Variants in CHCHD6 observed in about 807,000 individuals in gnomAD.
CHCHD6 encodes MICOS complex subunit MIC25.
A neutral mutation model predicts 32.3 loss-of-function variants in CHCHD6; 28 were observed. That is an observed-to-expected ratio of 0.87 (90% CI 0.64 to 1.19). The LOEUF (loss-of-function observed/expected upper bound fraction) is 1.19. CHCHD6 is among the 50% of genes most tolerant of loss of function. CHCHD6 has a pLI of 0.00. For missense variants in CHCHD6, 333 were observed against 307.0 expected (o/e 1.08, Z -0.63); for synonymous variants, 122 against 117.5 (o/e 1.04, Z -0.25).
intron 4 of CHCHD6, among the ~76,000 whole-genome samples, chr3:126,811,009 A>C (rs1180597538): frequency 6.6e-6 from 1 of 152,240 alleles, no homozygotes; most frequent in Non-Finnish European, 1.5e-5. Flanking sequence ...GGTTGGGAGC[A>C]GATGGGATGT....
At chr3:126,773,259 A>G (rs1278685559) in intron 4 of CHCHD6, among the ~76,000 whole-genome samples, 1 of 152,174 alleles carries the variant, frequency 6.6e-6, no homozygotes, top group Non-Finnish European at 1.5e-5. Context: ...TTTTCAAGTA[A>G]TACCTGCCCT....
At chr3:126,877,594 A>G (rs2077556016) in intron 5 of CHCHD6, among the ~76,000 whole-genome samples, 1 of 152,184 alleles carries the variant, frequency 6.6e-6, no homozygotes, top group South Asian at 2.1e-4. Context: ...TGATGGAAAA[A>G]TGAATACAAA....
At chr3:126,733,497 A>G (rs566429206) in intron 4 of CHCHD6, among the ~76,000 whole-genome samples, 2 of 152,336 alleles carry the variant, frequency 1.3e-5, no homozygotes, top group South Asian at 4.1e-4. Context: ...AGACCACTCA[A>G]CAGTCTCACT....
intron 1 of CHCHD6, among the ~76,000 whole-genome samples, chr3:126,710,990 C>A (rs752232905): frequency 6.6e-6 from 1 of 152,178 alleles, no homozygotes; most frequent in Non-Finnish European, 1.5e-5. Flanking sequence ...ACGTCCTTGT[C>A]TTGTTCCTGA....
chr3:126,765,999 G>C (rs1471053663), intron 4 of CHCHD6, among the ~76,000 whole-genome samples: 1 of 152,204 alleles, frequency 6.6e-6, no homozygotes, highest in Non-Finnish European at 1.5e-5. Flanking sequence ...TTGCCTGGCT[G>C]CTGCTGGTTC....
intron 4 of CHCHD6, among the ~76,000 whole-genome samples, chr3:126,840,099 C>T (rs1446665812): frequency 2.0e-5 from 3 of 152,174 alleles, no homozygotes; most frequent in Non-Finnish European, 2.9e-5. Flanking sequence ...CTTAGCGTAA[C>T]GTTTTCAAGG....
At chr3:126,768,512 A>G (rs945025130) in intron 4 of CHCHD6, among the ~76,000 whole-genome samples, 1 of 152,208 alleles carries the variant, frequency 6.6e-6, no homozygotes, top group Admixed American at 6.5e-5. Flanking sequence ...ATAGCTGTGC[A>G]AGAACGGACT....
intron 5 of CHCHD6, among the ~76,000 whole-genome samples, chr3:126,878,965 T>A (rs1332495698): frequency 6.6e-6 from 1 of 152,182 alleles, no homozygotes; most frequent in Non-Finnish European, 1.5e-5. Context: ...TGAGCTGGAA[T>A]CACCTGCACC....
At chr3:126,721,998 A>G (rs1935321689) in intron 1 of CHCHD6, among the ~76,000 whole-genome samples, 1 of 152,198 alleles carries the variant, frequency 6.6e-6, no homozygotes, top group African/African-American at 2.4e-5. Context: ...TCATTGGTTG[A>G]TGAACATTTG....
chr3:126,710,682 T>G (rs892814569), intron 1 of CHCHD6, among the ~76,000 whole-genome samples: 2 of 152,206 alleles, frequency 1.3e-5, no homozygotes, highest in Admixed American at 6.5e-5. Context: ...TTTATTATTT[T>G]TGATGCTATT....
intron 4 of CHCHD6, among the ~76,000 whole-genome samples, chr3:126,758,925 A>T (rs1340615701): frequency 2.6e-5 from 4 of 152,352 alleles, no homozygotes; most frequent in African/African-American, 9.6e-5. Flanking sequence ...GTAAATGGTC[A>T]GTACCCTTCC....
intron 4 of CHCHD6, among the ~76,000 whole-genome samples, chr3:126,811,534 C>T (rs1477730134): frequency 6.6e-6 from 1 of 151,636 alleles, no homozygotes; most frequent in South Asian, 2.1e-4. Context: ...CTAATTCTTT[C>T]CTTTGAGTGT....
chr3:126,845,990 G>T (rs1941282885), intron 4 of CHCHD6, among the ~76,000 whole-genome samples: 1 of 152,144 alleles, frequency 6.6e-6, no homozygotes, highest in Admixed American at 6.5e-5. Flanking sequence ...AGTAAGAAAA[G>T]TGAGCTTTGT....
intron 4 of CHCHD6, among the ~76,000 whole-genome samples, chr3:126,739,938 T>G (rs1270035517): frequency 6.6e-6 from 1 of 152,216 alleles, no homozygotes; most frequent in Non-Finnish European, 1.5e-5. Flanking sequence ...CTGGTCATCA[T>G]ATGCAGGAGA....
intron 4 of CHCHD6, 44 bp from the exon 5 acceptor site, chr3:126,852,603 A>G: frequency 2.8e-6 from 4 of 1,445,218 alleles, no homozygotes; most frequent in Non-Finnish European, 3.9e-6. Context: ...CCATTCCAGC[A>G]CCATCGCTGC....
chr3:126,704,932 G>C (rs1421000168), intron 1 of CHCHD6, among the ~76,000 whole-genome samples: 1 of 152,106 alleles, frequency 6.6e-6, no homozygotes, highest in Non-Finnish European at 1.5e-5. Flanking sequence ...GCCTTCCCTG[G>C]TTCCAAAGCT....
At chr3:126,948,219 C>A (rs1419435172) in intron 6 of CHCHD6, among the ~76,000 whole-genome samples, 2 of 152,242 alleles carry the variant, frequency 1.3e-5, no homozygotes, top group Non-Finnish European at 2.9e-5. Context: ...CATGTCAGGC[C>A]TTTCAGCCCA....
intron 4 of CHCHD6, among the ~76,000 whole-genome samples, chr3:126,743,344 A>C (rs1292017877): frequency 6.6e-6 from 1 of 152,154 alleles, no homozygotes; most frequent in East Asian, 1.9e-4. Context: ...CCCATTACCA[A>C]ATCACAGGTC....
In CHCHD6 at chr3:126,960,318, G is replaced by T; in HGVS notation, c.*117G>T. 8.1e-7 allele frequency: 1 copy of T among 1,238,690 alleles called. No homozygotes were observed. The highest frequency in any genetic ancestry group is 2.0e-5 in the Admixed American group (1 of 50,108). The allele number at this position is 1,238,690 out of a possible 1,614,324, so 76.7% of individuals were successfully genotyped here. On this transcript the variant is annotated 3_prime_UTR_variant, in exon 8 of 8. Transcript: ENST00000290913. ...CTGCTGGGCCCCTGCATATGCCCCT[G>T]AGCCTGGGGCTGCCACGTGTTTAGG...
Sources: allele counts gnomAD v4.1 joint callset (sites outside exome capture counted in the v4.1 genomes callset), GRCh38; gene constraint gnomAD v4.1.1; transcripts MANE v1.5; gene names NCBI Gene and HGNC (gene_info 2026-07-23, HGNC 2026-07-21).